TECR: variants seen among roughly 807,000 people sequenced by gnomAD.
The protein encoded by TECR is very-long-chain enoyl-CoA reductase.
In TECR, 19 loss-of-function variants were observed where a neutral mutation model predicts 50.6. The observed-to-expected ratio is 0.38, with a 90% CI of 0.26 to 0.55. TECR has a LOEUF of 0.55. TECR is among the 20% of genes least tolerant of loss of function. The pLI, the probability that TECR is intolerant of heterozygous loss-of-function variation, is 0.79. For missense variants in TECR, 313 were observed against 408.3 expected, an observed-to-expected ratio of 0.77 and a Z score of 2.01; for synonymous variants, 168 against 163.5, an observed-to-expected ratio of 1.03 and a Z score of -0.21.
Position 14,563,338 on chromosome 19 carries a change from C to A in TECR, c.118+81C>A. ...GGGTGGGAGGGATCCCATCCTGCAC[C>A]CCTCTCCCAGGGGCCTGCAGAGATG... is the stretch of plus-strand genomic sequence containing the variant. On this transcript the variant is annotated intron_variant, in intron 3 of 12. Coordinates refer to ENST00000215567, the MANE Select transcript of TECR (RefSeq NM_138501.6). This position sits in a 1 kb window ranked among gnomAD's most constrained non-coding sequence, Gnocchi z 5.3. The A allele has an allele frequency of 7.5e-7, 1 of 1,337,154 alleles. No individual in the cohort carries two copies. Among genetic ancestry groups the A allele is most frequent in the South Asian group, 1.2e-5 (1 of 84,684 alleles). 82.8% of individuals were successfully genotyped at this position (1,337,154 alleles called of 1,614,324 possible).
intron 1 of TECR, chr19:14,531,259 A>G (rs1268611432): frequency 6.6e-6 from 1 of 150,666 alleles, no homozygotes; most frequent in African/African-American, 2.4e-5. Context: ...CTGGCCTCAA[A>G]CTCTTGACCT....
At chr19:14,538,073 T>C (rs1368719133) in intron 1 of TECR, among the ~76,000 whole-genome samples, 1 of 152,150 alleles carries the variant, frequency 6.6e-6, no homozygotes, top group Admixed American at 6.6e-5. Context: ...TAGTAACATA[T>C]CTAAATCGTG....
At chr19:14,555,464 T>TA (rs1266005098) in intron 1 of TECR, among the ~76,000 whole-genome samples, 18 of 136,580 alleles carry the variant, frequency 1.3e-4, no homozygotes, top group Non-Finnish European at 2.8e-4. Context: ...TTTTTTTTTT[T>TA]AGACAGAGCC....
chr19:14,549,134 A>G (rs1377350094), intron 1 of TECR, among the ~76,000 whole-genome samples: 2 of 151,334 alleles, frequency 1.3e-5, no homozygotes, highest in East Asian at 1.9e-4. Flanking sequence ...GAGTTGCCCT[A>G]TCGGCTGTAG....
intron 1 of TECR, among the ~76,000 whole-genome samples, chr19:14,542,345 G>GTTT (rs2073123375): frequency 1.6e-5 from 1 of 60,998 alleles, no homozygotes; most frequent in African/African-American, 5.2e-5. Flanking sequence ...TCATGCCATA[G>GTTT]TGTTTTTTTT....
At chr19:14,537,005 T>C (rs1207137445) in intron 1 of TECR, among the ~76,000 whole-genome samples, 1 of 129,550 alleles carries the variant, frequency 7.7e-6, no homozygotes, top group Non-Finnish European at 1.6e-5. Context: ...GAGGTGGGGC[T>C]TGAGGACGGG....
At chr19:14,546,064 G>C (rs2073296233) in intron 1 of TECR, among the ~76,000 whole-genome samples, 1 of 152,138 alleles carries the variant, frequency 6.6e-6, no homozygotes, top group Non-Finnish European at 1.5e-5. Context: ...TGGGGGACCT[G>C]CCTGGAAGGT....
At chr19:14,533,073 C>G (rs1439977231) in intron 1 of TECR, among the ~76,000 whole-genome samples, 3 of 151,814 alleles carry the variant, frequency 2.0e-5, no homozygotes, top group Non-Finnish European at 4.4e-5. Flanking sequence ...GATCACGCCA[C>G]TGTACTCCAG....
At chr19:14,544,418 C>G (rs1435256217) in intron 1 of TECR, among the ~76,000 whole-genome samples, 1 of 151,992 alleles carries the variant, frequency 6.6e-6, no homozygotes, top group African/African-American at 2.4e-5. Flanking sequence ...CTCAGCCGTT[C>G]AGCCGCATAA....
At chr19:14,558,397 C>G (rs1164690333) in intron 1 of TECR, among the ~76,000 whole-genome samples, 1 of 152,206 alleles carries the variant, frequency 6.6e-6, no homozygotes, top group East Asian at 1.9e-4. Context: ...AGGCACAAAC[C>G]TCGCCCCTGC....
intron 1 of TECR, among the ~76,000 whole-genome samples, chr19:14,557,945 T>C (rs944493930): frequency 3.3e-5 from 5 of 151,090 alleles, no homozygotes; most frequent in East Asian, 2.0e-4. Context: ...TTAGTAGAGA[T>C]GGGGTTTCAC....
At chr19:14,560,364 C>G (rs1397566743) in intron 1 of TECR, among the ~76,000 whole-genome samples, 3 of 152,194 alleles carry the variant, frequency 2.0e-5, no homozygotes, top group Non-Finnish European at 4.4e-5. Context: ...TCCTACAGGC[C>G]ACACGGGCTT....
At position 14,565,128 on chromosome 19, in the gene TECR, G is replaced by A; in HGVS notation, c.664+5G>A. The A allele has an allele frequency of 6.2e-7, 1 of 1,613,830 alleles. No individual in the cohort carries two copies. The highest frequency in any genetic ancestry group is 8.5e-7 in the Non-Finnish European group (1 of 1,180,032). ...TGCGGGACCTGCGGCCCGCTGGTGAGTGCCTGCTGGGGGCAGGGGGACAGC... is the reference window on the plus strand; with the variant it reads ...TGCGGGACCTGCGGCCCGCTGGTGAATGCCTGCTGGGGGCAGGGGGACAGC... On this transcript the variant is annotated splice_donor_5th_base_variant and intron_variant, in intron 10 of 12. Coordinates refer to ENST00000215567, the MANE Select transcript of TECR (RefSeq NM_138501.6).
At chr19:14,558,472 C>T (rs756234188) in intron 1 of TECR, among the ~76,000 whole-genome samples, 9 of 152,300 alleles carry the variant, frequency 5.9e-5, no homozygotes, top group African/African-American at 1.2e-4. Context: ...GCCCTGACCT[C>T]GTGCTGCGAC....
At chr19:14,555,866 G>T (rs990233495) in intron 1 of TECR, among the ~76,000 whole-genome samples, 3 of 152,156 alleles carry the variant, frequency 2.0e-5, no homozygotes, top group Admixed American at 2.0e-4. Flanking sequence ...GATTCCAGGC[G>T]TGAGCCACTG....
At chr19:14,529,991 C>T (rs937829103) in intron 1 of TECR, 6 of 549,964 alleles carry the variant, frequency 1.1e-5, no homozygotes, top group Non-Finnish European at 2.0e-5. Flanking sequence ...GCAGCTCCCC[C>T]AGCGGGCTGA....
At chr19:14,543,564 G>A (rs2073200753) in intron 1 of TECR, among the ~76,000 whole-genome samples, 1 of 143,192 alleles carries the variant, frequency 7.0e-6, no homozygotes, top group African/African-American at 2.6e-5. Flanking sequence ...TCAGCCTCCC[G>A]AGTAGCTGGG....
upstream of TECR, chr19:14,527,791 T>C (rs1386378759): frequency 6.6e-6 from 1 of 152,202 alleles, no homozygotes. Flanking sequence ...CAACAGCTCA[T>C]GAAAGCTCAG....
rs1027316808 is a variant in TECR, at chr19:14,552,831, C to T, written c.16-9694C>T. 5.9e-5 allele frequency among the ~76,000 whole-genome samples: 9 copies of T among 152,222 alleles called. 1 individual carries two copies. In the South Asian group the frequency reaches 1.3e-3, roughly 21 times the overall value. On this transcript the variant is annotated intron_variant, in intron 1 of 12. Coordinates refer to ENST00000215567, the MANE Select transcript of TECR (RefSeq NM_138501.6). The stretch of plus-strand genomic sequence containing the variant: ...GATTACAGGTGTGAGCCACTGCGCC[C>T]GGCCCAGTCTTTTTCTTATAGGGCC...
Sources: allele counts gnomAD v4.1 joint callset (sites outside exome capture counted in the v4.1 genomes callset), GRCh38; gene constraint gnomAD v4.1.1; non-coding constraint Gnocchi (gnomAD v3.1); transcripts MANE v1.5; gene names NCBI Gene and HGNC (gene_info 2026-07-23, HGNC 2026-07-21).